The following THEMIS variants were observed in gnomAD, a reference collection of about 807,000 sequenced individuals.
THEMIS encodes the protein protein THEMIS.
Under a neutral mutation model 52.6 loss-of-function variants are expected in THEMIS, and 37 were observed. The observed-to-expected ratio is 0.70, with a 90% CI of 0.54 to 0.93. The LOEUF (loss-of-function observed/expected upper bound fraction) is 0.93. Among genes scored for constraint, THEMIS ranks in the 40% least tolerant of loss-of-function variants. The pLI, the probability that THEMIS is intolerant of heterozygous loss-of-function variation, is 0.00. For missense variants in THEMIS, 808 were observed against 763.1 expected (o/e 1.06, Z -0.69); for synonymous variants, 292 against 272.7 (o/e 1.07, Z -0.70).
At chr6:127,892,123 G>A (rs1780831323) in intron 1 of THEMIS, among the ~76,000 whole-genome samples, 2 of 152,098 alleles carry the variant, frequency 1.3e-5, no homozygotes, top group South Asian at 2.1e-4. Flanking sequence ...GTGTCACTCT[G>A]GCCTTCAAGG....
intron 5 of THEMIS, among the ~76,000 whole-genome samples, chr6:127,714,592 C>T (rs1272006933): frequency 1.3e-5 from 2 of 151,742 alleles, no homozygotes; most frequent in African/African-American, 4.8e-5. Context: ...TATTTTAAAG[C>T]ACAAGAACTT....
intron 4 of THEMIS, among the ~76,000 whole-genome samples, chr6:127,807,833 G>A (rs535104776): frequency 1.6e-4 from 24 of 152,274 alleles, no homozygotes; most frequent in Admixed American, 2.6e-4. Context: ...GCCCAGTAAC[G>A]TGGATTTCTC....
intron 1 of THEMIS, among the ~76,000 whole-genome samples, chr6:127,869,845 G>C (rs1159709083): frequency 1.3e-5 from 2 of 152,094 alleles, no homozygotes; most frequent in East Asian, 3.9e-4. Context: ...TTCTAATCTA[G>C]CCAAACATCA....
At chr6:127,830,186 G>T (rs1778654276) in intron 2 of THEMIS, among the ~76,000 whole-genome samples, 1 of 152,144 alleles carries the variant, frequency 6.6e-6, no homozygotes, top group African/African-American at 2.4e-5. Context: ...AAATAGAAAA[G>T]AAACTGTTCT....
At chr6:127,912,889 T>C (rs557094847) in intron 1 of THEMIS, among the ~76,000 whole-genome samples, 38 of 152,352 alleles carry the variant, frequency 2.5e-4, no homozygotes, top group East Asian at 5.8e-4. Flanking sequence ...GTCCAACTGC[T>C]TTCATGTTGA....
intron 1 of THEMIS, among the ~76,000 whole-genome samples, chr6:127,882,404 T>C (rs1780512353): frequency 6.6e-6 from 1 of 151,928 alleles, no homozygotes; most frequent in South Asian, 2.1e-4. Context: ...AATTTAAACT[T>C]ATTTAAATGT....
chr6:127,782,344 A>AG (rs1776774209), intron 4 of THEMIS, among the ~76,000 whole-genome samples: 1 of 152,078 alleles, frequency 6.6e-6, no homozygotes, highest in Non-Finnish European at 1.5e-5. Context: ...CCACTGGGGT[A>AG]GGAAAAAAAA....
At chr6:127,851,041 T>C (rs1174958729) in intron 2 of THEMIS, among the ~76,000 whole-genome samples, 1 of 151,598 alleles carries the variant, frequency 6.6e-6, no homozygotes, top group Non-Finnish European at 1.5e-5. Flanking sequence ...AATAATATCT[T>C]ACCAAATAGA....
chr6:127,761,109 T>G (rs1341080072), intron 4 of THEMIS, among the ~76,000 whole-genome samples: 7 of 151,928 alleles, frequency 4.6e-5, no homozygotes, highest in Admixed American at 4.6e-4. Context: ...AGGAGACATT[T>G]CTCCCAAGAA....
At position 127,813,049 on chromosome 6, in the gene THEMIS, A is replaced by G. The variant is rs376358136; in HGVS notation, c.1592T>C (p.Leu531Pro). 10 of 1,613,980 alleles carry G rather than the reference A, an allele frequency of 6.2e-6. No homozygotes were observed. The African/African-American group carries it at 1.3e-4, about 22-fold the overall frequency. The part of the protein sequence containing the change: ...RDAEPFLVRT[L>P]VEEITEEQYY... ...TTGCTCTTCAGTGATCTCTTCTACC[A>G]GAGTCCTGACTAGAAATGGTTCTGC... The change falls in exon 4 of 6, where the codon CTG becomes CCG. Residue 531 changes from leucine (L) to proline (P), a missense_variant. Coordinates refer to ENST00000368248, the MANE Select transcript of THEMIS (RefSeq NM_001010923.3).
chr6:127,896,330 G>T (rs1418793795), intron 1 of THEMIS, among the ~76,000 whole-genome samples: 2 of 150,450 alleles, frequency 1.3e-5, no homozygotes, highest in Non-Finnish European at 3.0e-5. Flanking sequence ...AAATGTTAAA[G>T]ATATATTCTT....
At chr6:127,710,079 G>T in intron 5 of THEMIS, 63 bp from the exon 6 acceptor site, 1 of 1,216,568 alleles carries the variant, frequency 8.2e-7, no homozygotes, top group Non-Finnish European at 1.1e-6. Flanking sequence ...AAAGGAAACT[G>T]CCTGCTTTCA....
chr6:127,857,136 C>A (rs1440047684), intron 1 of THEMIS, among the ~76,000 whole-genome samples: 1 of 151,358 alleles, frequency 6.6e-6, no homozygotes, highest in African/African-American at 2.4e-5. Flanking sequence ...ATGCATTATT[C>A]ATTCCCCCCA....
chr6:127,884,031 T>A (rs117844093), intron 1 of THEMIS, among the ~76,000 whole-genome samples: 2 of 152,176 alleles, frequency 1.3e-5, no homozygotes, highest in African/African-American at 2.4e-5. Context: ...TAATCATTAA[T>A]ACCCTACTAC....
chr6:127,859,707 T>A (rs1779733185), intron 1 of THEMIS, among the ~76,000 whole-genome samples: 1 of 152,238 alleles, frequency 6.6e-6, no homozygotes, highest in African/African-American at 2.4e-5. Flanking sequence ...TGTTGTGAAT[T>A]CTCTAGACAA....
chr6:127,724,237 C>G (rs567486380), intron 4 of THEMIS, among the ~76,000 whole-genome samples: 1 of 152,200 alleles, frequency 6.6e-6, no homozygotes, highest in Admixed American at 6.5e-5. Context: ...TTACAGAAAT[C>G]ATGCAGAACT....
intron 4 of THEMIS, among the ~76,000 whole-genome samples, chr6:127,738,897 G>A (rs773848341): frequency 2.0e-5 from 3 of 152,062 alleles, no homozygotes; most frequent in Non-Finnish European, 2.9e-5. Flanking sequence ...TGGTAAGTCC[G>A]GTGTATTATA....
chr6:127,788,931 A>G (rs1257786489), intron 4 of THEMIS, among the ~76,000 whole-genome samples: 2 of 152,214 alleles, frequency 1.3e-5, no homozygotes, highest in Non-Finnish European at 2.9e-5. Context: ...AAAGCAAGAA[A>G]GATGTAAAAT....
At chr6:127,698,198 T>C in the THEMIS span, among the ~76,000 whole-genome samples, 1 of 152,184 alleles carries the variant, frequency 6.6e-6, no homozygotes, top group Admixed American at 6.5e-5. Context: ...TTTGACAACC[T>C]ATTGTGAATA....
Sources: gnomAD v4.1 joint callset for allele counts (sites outside exome capture counted in the v4.1 genomes callset) on GRCh38, gnomAD v4.1.1 for gene constraint, MANE v1.5 for transcripts, NCBI Gene and HGNC (gene_info 2026-07-23, HGNC 2026-07-21) for gene names.